The following BCL11A variants were observed in gnomAD, a reference collection of about 807,000 sequenced individuals.
The protein encoded by BCL11A is B cell CLL/lymphoma 11A.
In BCL11A, 2 loss-of-function variants were observed where a neutral mutation model predicts 55.9. That is an observed-to-expected ratio of 0.04 (90% CI 0.01 to 0.11). The LOEUF (loss-of-function observed/expected upper bound fraction) is 0.11, where lower values mean the gene tolerates loss of function less well. Among genes scored for constraint, BCL11A ranks in the 10% least tolerant of loss-of-function variants. BCL11A has a pLI of 1.00. For missense variants in BCL11A, 817 were observed against 1,137.1 expected, an observed-to-expected ratio of 0.72 and a Z score of 4.05; for synonymous variants, 465 against 473.4, an observed-to-expected ratio of 0.98 and a Z score of 0.23.
In BCL11A at chr2:60,458,053, A is replaced by G. The variant is rs1676030035; in HGVS notation, c.*2351T>C. On this transcript the variant is annotated 3_prime_UTR_variant, in exon 4 of 4. Coordinates refer to ENST00000642384, the MANE Select transcript of BCL11A (RefSeq NM_022893.4). Reference sequence around the variant, plus strand: ...CCTGTCTTTTTTTTTTCCACTACCAAAAAAGGTACATTGATACCTTTTAAG... The same window carrying G: ...CCTGTCTTTTTTTTTTCCACTACCAGAAAAGGTACATTGATACCTTTTAAG... 2.9e-6 allele frequency: 3 copies of G among 1,035,574 alleles called. No individual in the cohort carries two copies. Among genetic ancestry groups the G allele is most frequent in the South Asian group, 9.2e-5 (2 of 21,722 alleles). 64.1% of individuals were successfully genotyped at this position (1,035,574 alleles called of 1,614,324 possible).
intron 2 of BCL11A, among the ~76,000 whole-genome samples, chr2:60,469,397 G>T (rs1014960788): frequency 6.6e-6 from 1 of 152,182 alleles, no homozygotes; most frequent in Admixed American, 6.5e-5. Context: ...CAGTGATAGG[G>T]GAAACCTGGG....
intron 1 of BCL11A, among the ~76,000 whole-genome samples, chr2:60,550,362 TGGGGGA>T (rs1573104114): frequency 1.3e-5 from 2 of 152,196 alleles, no homozygotes; most frequent in East Asian, 3.9e-4. Context: ...TACGGGGTGA[TGGGGGA>T]GAGAAAGGGA....
At chr2:60,502,901 A>C (rs1443322723) in intron 2 of BCL11A, among the ~76,000 whole-genome samples, 1 of 152,208 alleles carries the variant, frequency 6.6e-6, no homozygotes, top group East Asian at 1.9e-4. Context: ...GGAGTGAACC[A>C]GTGAGAAAGA....
In BCL11A at chr2:60,461,460, G is replaced by T; in HGVS notation, c.1452C>A (p.Asp484Glu). The T allele has an allele frequency of 1.2e-6, 2 of 1,604,012 alleles. No homozygotes were observed. Among genetic ancestry groups the T allele is most frequent in the South Asian group, 1.1e-5 (1 of 90,902 alleles). The change falls in exon 4 of 4, where the codon GAC (aspartate) becomes GAA (glutamate). Residue 484 changes from aspartate (D) to glutamate (E), a missense_variant. Around this residue, in one of 4 missense-constraint regions of BCL11A, gnomAD observed 379 missense variants for 425.3 expected, o/e 0.89. Coordinates refer to ENST00000642384, the MANE Select transcript of BCL11A (RefSeq NM_022893.4). ...NDPNLIPENGDEEEEEDDEEE... is the reference protein window; with the variant it reads ...NDPNLIPENGEEEEEEDDEEE... Reference sequence around the variant, plus strand: ...CCTCGTCGTCCTCCTCTTCCTCCTCGTCCCCGTTCTCCGGGATCAGGTTGG... The same window carrying T: ...CCTCGTCGTCCTCCTCTTCCTCCTCTTCCCCGTTCTCCGGGATCAGGTTGG...
chr2:60,527,665 G>A (rs1177923711), intron 2 of BCL11A: 4 of 152,186 alleles, frequency 2.6e-5, no homozygotes, highest in Non-Finnish European at 5.9e-5. Flanking sequence ...CAAGTGAGCA[G>A]AGCTCCCATC....
In BCL11A at chr2:60,546,475, AACC is replaced by A. The variant is rs1372512764; in HGVS notation, c.56-178_56-176del. 1.6e-6 allele frequency: 1 copy of A among 618,472 alleles called. No individual in the cohort carries two copies. Among genetic ancestry groups the A allele is most frequent in the Admixed American group, 3.0e-5 (1 of 32,788 alleles). 38.3% of individuals were successfully genotyped at this position (618,472 alleles called of 1,614,324 possible). On this transcript the variant is annotated intron_variant, in intron 1 of 3. Transcript: ENST00000642384. This position sits in a 1 kb window ranked among gnomAD's most constrained non-coding sequence, Gnocchi z 4.1. ...AAAGTACAAGGATGTGAAGGTTATCAACCAGAGAGCAAATTTGTCAATGAGGCA... is the reference window on the plus strand; with the variant it reads ...AAAGTACAAGGATGTGAAGGTTATCAAGAGAGCAAATTTGTCAATGAGGCA...
intron 2 of BCL11A, among the ~76,000 whole-genome samples, chr2:60,500,985 G>A (rs1010987844): frequency 1.3e-5 from 2 of 152,134 alleles, no homozygotes; most frequent in South Asian, 2.1e-4. Context: ...TTTCTGGGTC[G>A]CTGCATCCTC....
At position 60,458,020 on chromosome 2, in the gene BCL11A, T is replaced by C; in HGVS notation, c.*2384A>G. 1.9e-6 allele frequency: 2 copies of C among 1,034,036 alleles called. No homozygotes were observed. The highest frequency in any genetic ancestry group is 2.3e-6 in the Non-Finnish European group (2 of 859,214). 64.1% of individuals were successfully genotyped at this position (1,034,036 alleles called of 1,614,324 possible). A position where few individuals can be genotyped will look rare whatever the true frequency, so the allele number is the denominator to read the frequency against. ...ATCCTGCCAAATTAAAAAAATATAC[T>C]GTGGCAGCCTGTCTTTTTTTTTTCC... is the stretch of plus-strand genomic sequence containing the variant. On this transcript the variant is annotated 3_prime_UTR_variant, in exon 4 of 4. Coordinates refer to ENST00000642384, the MANE Select transcript of BCL11A (RefSeq NM_022893.4).
chr2:60,487,395 G>T (rs1678342301), intron 2 of BCL11A, among the ~76,000 whole-genome samples: 1 of 152,056 alleles, frequency 6.6e-6, no homozygotes, highest in African/African-American at 2.4e-5. Flanking sequence ...CAGTGTAGTG[G>T]GCAGTTACGT....
At chr2:60,467,926 GGTA>G (rs1676924391) in intron 3 of BCL11A, among the ~76,000 whole-genome samples, 5 of 133,246 alleles carry the variant, frequency 3.8e-5, no homozygotes, top group Non-Finnish European at 5.0e-5. Context: ...TGGTGGTGGT[GGTA>G]GTGATGGTGG....
At chr2:60,516,743 GTCA>G (rs1183675304) in intron 2 of BCL11A, among the ~76,000 whole-genome samples, 2 of 152,240 alleles carry the variant, frequency 1.3e-5, no homozygotes, top group African/African-American at 2.4e-5. Context: ...CTGAGCATGA[GTCA>G]TCAATGAAGC....
At chr2:60,464,578 T>C (rs765819866) in intron 3 of BCL11A, among the ~76,000 whole-genome samples, 22 of 152,228 alleles carry the variant, frequency 1.4e-4, no homozygotes, top group Non-Finnish European at 2.9e-4. Context: ...CCAAATGCCT[T>C]AAAATTATAT....
rs769437180 is a variant in BCL11A at position 60,521,359 on chromosome 2, G to A, written c.385+24612C>T. ...ACATTTTGTAAAACCAGAGGGACCC[G>A]GGCCTGGGCCTGGGCCTGGGTCTGG... is the stretch of plus-strand genomic sequence containing the variant. On this transcript the variant is annotated intron_variant, in intron 2 of 3. Transcript: ENST00000642384. Among the ~76,000 whole-genome samples the A allele has an allele frequency of 5.7e-4, 87 of 152,174 alleles. 2 individuals carry two copies. Among genetic ancestry groups the A allele is most frequent in the Non-Finnish European group, 5.1e-4 (35 of 68,032 alleles).
chr2:60,479,739 T>A (rs1437100323), intron 2 of BCL11A, among the ~76,000 whole-genome samples: 4 of 152,122 alleles, frequency 2.6e-5, no homozygotes, highest in Non-Finnish European at 5.9e-5. Flanking sequence ...AGGCAAAGAG[T>A]CAAGGGTCTG....
At chr2:60,530,236 T>TCTTGAGCCTTC (rs902694220) in intron 2 of BCL11A, among the ~76,000 whole-genome samples, 1 of 151,700 alleles carries the variant, frequency 6.6e-6, no homozygotes, top group East Asian at 1.9e-4. Flanking sequence ...CCCTGGCCTT[T>TCTTGAGCCTTC]CTTGAGCCTT....
At chr2:60,452,088 G>A (rs568455200) in exon 5 of BCL11A, 8 of 228,578 alleles carry the variant, frequency 3.5e-5, no homozygotes, top group South Asian at 1.8e-4. Context: ...AACAGGTACA[G>A]AAGTACAAAA....
At position 60,460,905 on chromosome 2, in the gene BCL11A, G is replaced by C; in HGVS notation, c.2007C>G (p.Leu669=). The change falls in exon 4 of 4, where the codon CTC becomes CTG. Residue 669 remains leucine (L), a synonymous_variant. Transcript: ENST00000642384. The stretch of plus-strand genomic sequence containing the variant: ...CTCCGAAGCTAAGGAAGGGATCTTT[G>C]AGCTGCCTGGAGGCCGCGTAGCCGG... ...WLAGYAASRQ[L]KDPFLSFGDS... 1 of 1,612,964 alleles carries C rather than the reference G, an allele frequency of 6.2e-7. No individual in the cohort carries two copies. Among genetic ancestry groups the C allele is most frequent in the Non-Finnish European group, 8.5e-7 (1 of 1,180,032 alleles).
intron 2 of BCL11A, among the ~76,000 whole-genome samples, chr2:60,483,240 C>T (rs556844315): frequency 1.3e-5 from 2 of 152,348 alleles, no homozygotes; most frequent in South Asian, 4.1e-4. Context: ...CCGTTTTCCC[C>T]TCTAATATAT....
At chr2:60,464,698 A>C (rs1206445383) in intron 3 of BCL11A, among the ~76,000 whole-genome samples, 1 of 152,266 alleles carries the variant, frequency 6.6e-6, no homozygotes, top group African/African-American at 2.4e-5. Context: ...AATCTGTGGC[A>C]TACAGCACTA....
Sources: allele counts gnomAD v4.1 joint callset (sites outside exome capture counted in the v4.1 genomes callset), GRCh38; gene constraint gnomAD v4.1.1; regional missense constraint gnomAD v4.1.1; non-coding constraint Gnocchi (gnomAD v3.1); transcripts MANE v1.5; gene names NCBI Gene and HGNC (gene_info 2026-07-23, HGNC 2026-07-21).